Variants in SEM1 observed in about 807,000 individuals in gnomAD.
SEM1 encodes SEM1 26S proteasome subunit, also known as 26S proteasome complex subunit SEM1.
Under a neutral mutation model 12.7 loss-of-function variants are expected in SEM1, and 3 were observed. The ratio of observed to expected loss-of-function variants is 0.24; its 90% CI spans 0.11 to 0.61. The LOEUF is 0.61. Ranked by LOEUF, SEM1 falls within the 20% of genes least tolerant of loss-of-function variation. The probability of loss-of-function intolerance (pLI) is 0.88; values close to 1 mark genes in which losing one functional copy is unlikely to be tolerated. For missense variants in SEM1, 59 were observed against 81.3 expected (o/e 0.73, Z 1.06); for synonymous variants, 30 against 27.8 (o/e 1.08, Z -0.25).
intron 2 of SEM1, among the ~76,000 whole-genome samples, chr7:96,682,475 G>A (rs541373851): frequency 1.2e-4 from 18 of 152,086 alleles, no homozygotes; most frequent in African/African-American, 4.3e-4. Flanking sequence ...GTTTTCAAAG[G>A]GGATGCTTCC....
chr7:96,660,526 C>A (rs1788966998), intron 2 of SEM1, among the ~76,000 whole-genome samples: 1 of 152,044 alleles, frequency 6.6e-6, no homozygotes, highest in Non-Finnish European at 1.5e-5. Flanking sequence ...AGCAAAAACC[C>A]CTTATGCTTT....
In SEM1 at chr7:96,550,044, A is replaced by C. The variant is rs544437411; in HGVS notation, c.171-43346T>G. 2.4e-4 allele frequency among the ~76,000 whole-genome samples: 37 copies of C among 152,276 alleles called. 2 individuals are homozygous for C. The South Asian group carries it at 5.2e-3, about 21-fold the overall frequency. On this transcript the variant is annotated intron_variant and NMD_transcript_variant, in intron 2 of 3. Coordinates refer to the SEM1 transcript ENST00000466986. The stretch of plus-strand genomic sequence containing the variant: ...TGGAAGCTGGACTTTCTTGAATTAA[A>C]AATTAGGTTTTTATTAATATAAATG...
chr7:96,527,283 A>G (rs1486846835), intron 2 of SEM1, among the ~76,000 whole-genome samples: 1 of 152,136 alleles, frequency 6.6e-6, no homozygotes, highest in Non-Finnish European at 1.5e-5. Context: ...GAAGCCAGTG[A>G]GTTCTGAGAC....
intron 2 of SEM1, among the ~76,000 whole-genome samples, chr7:96,553,107 T>C (rs1202368961): frequency 2.0e-5 from 3 of 152,198 alleles, no homozygotes; most frequent in Non-Finnish European, 4.4e-5. Flanking sequence ...CCTTGTCAGA[T>C]GAGTAGGTTG....
downstream of SEM1, among the ~76,000 whole-genome samples, chr7:96,684,454 A>C (rs1400830342): frequency 6.6e-6 from 1 of 151,820 alleles, no homozygotes; most frequent in Non-Finnish European, 1.5e-5. Flanking sequence ...AGAAAGATGG[A>C]TATCTAACCG....
chr7:96,665,436 G>A (rs1789144796), intron 2 of SEM1, among the ~76,000 whole-genome samples: 1 of 152,118 alleles, frequency 6.6e-6, no homozygotes, highest in African/African-American at 2.4e-5. Context: ...CAGCTAAGTT[G>A]ATAACTTAAA....
chr7:96,682,285 GTTGAGA>G (rs1789637940), intron 2 of SEM1, among the ~76,000 whole-genome samples: 1 of 152,056 alleles, frequency 6.6e-6, no homozygotes, highest in African/African-American at 2.4e-5. Flanking sequence ...GAGATTTTGG[GTTGAGA>G]CAATGGGGTT....
At chr7:96,571,515 G>A (rs1179049563) in intron 2 of SEM1, among the ~76,000 whole-genome samples, 1 of 151,574 alleles carries the variant, frequency 6.6e-6, no homozygotes, top group Non-Finnish European at 1.5e-5. Flanking sequence ...GATGGTTGTA[G>A]ATGTGTGGCA....
chr7:96,618,461 T>G (rs1807787289), downstream of SEM1, among the ~76,000 whole-genome samples: 1 of 152,182 alleles, frequency 6.6e-6, no homozygotes, highest in Non-Finnish European at 1.5e-5. Flanking sequence ...CATCAATTAT[T>G]TTTTGAAATA....
chr7:96,642,560 CT>C (rs1808649522), intron 2 of SEM1, among the ~76,000 whole-genome samples: 1 of 151,202 alleles, frequency 6.6e-6, no homozygotes, highest in Non-Finnish European at 1.5e-5. Flanking sequence ...CAAATTAGTC[CT>C]TTGCATCTTT....
At chr7:96,580,015 A>T (rs942169695) in intron 2 of SEM1, among the ~76,000 whole-genome samples, 3 of 150,884 alleles carry the variant, frequency 2.0e-5, no homozygotes, top group African/African-American at 7.3e-5. Flanking sequence ...CATGTGCACA[A>T]TGTGCAGGTT....
chr7:96,666,993 G>A (rs1789188769), intron 2 of SEM1, among the ~76,000 whole-genome samples: 1 of 152,138 alleles, frequency 6.6e-6, no homozygotes, highest in Non-Finnish European at 1.5e-5. Context: ...AAAGCATGAT[G>A]TTAATGCATT....
At chr7:96,484,463 G>A (rs1802672014) in intron 3 of SEM1, among the ~76,000 whole-genome samples, 1 of 152,178 alleles carries the variant, frequency 6.6e-6, no homozygotes, top group African/African-American at 2.4e-5. Flanking sequence ...AAGGTAAAAT[G>A]CTAAGTGTGG....
intron 2 of SEM1, among the ~76,000 whole-genome samples, chr7:96,525,908 C>G (rs1230650058): frequency 2.6e-5 from 4 of 152,232 alleles, no homozygotes; most frequent in African/African-American, 9.6e-5. Context: ...TCCCTCAGTC[C>G]ATGGAAACAT....
intron 2 of SEM1, among the ~76,000 whole-genome samples, chr7:96,533,844 A>G (rs1213218727): frequency 6.6e-6 from 1 of 152,098 alleles, no homozygotes; most frequent in East Asian, 1.9e-4. Flanking sequence ...AGTTTGAATC[A>G]AGGCAGTGGC....
intron 1 of SEM1, among the ~76,000 whole-genome samples, chr7:96,493,457 G>A (rs755153210): frequency 1.6e-4 from 25 of 151,924 alleles, no homozygotes; most frequent in Non-Finnish European, 2.9e-4. Context: ...CCTATAGTCT[G>A]CCATACACCA....
In SEM1 at chr7:96,628,664, G is replaced by A. The variant is rs149452473; in HGVS notation, c.171-6021C>T. On this transcript the variant is annotated intron_variant, in intron 2 of 2. Transcript: ENST00000417009. ...CTTTTCATCTTTCTACTTAAGGCAT[G>A]AGTAGTTTACACACCATAATTACAG... Among the ~76,000 whole-genome samples, 498 of 152,254 alleles carry A rather than the reference G, an allele frequency of 3.3e-3. 2 individuals are homozygous for A. Among genetic ancestry groups the A allele is most frequent in the Non-Finnish European group, 6.1e-3 (412 of 68,006 alleles).
intron 2 of SEM1, among the ~76,000 whole-genome samples, chr7:96,569,656 G>A (rs1399239532): frequency 2.6e-5 from 4 of 151,998 alleles, no homozygotes; most frequent in Non-Finnish European, 5.9e-5. Context: ...CCTGAACAGT[G>A]GACATTATGA....
intron 1 of SEM1, among the ~76,000 whole-genome samples, chr7:96,707,562 T>C (rs751394267): frequency 6.6e-6 from 1 of 152,252 alleles, no homozygotes; most frequent in Non-Finnish European, 1.5e-5. Flanking sequence ...AGGAGACCCA[T>C]AAATGGTCAA....
Sources: allele counts gnomAD v4.1 joint callset (sites outside exome capture counted in the v4.1 genomes callset), GRCh38; gene constraint gnomAD v4.1.1; transcripts MANE v1.5; gene names NCBI Gene and HGNC (gene_info 2026-07-23, HGNC 2026-07-21).